UGT1A7: variants seen among roughly 807,000 people sequenced by gnomAD.
UGT1A7 encodes UDP-glucuronosyltransferase 1A7.
A neutral mutation model predicts 45.6 loss-of-function variants in UGT1A7; 33 were observed. The observed-to-expected ratio is 0.72, with a 90% CI of 0.55 to 0.97. The LOEUF is 0.97. Among genes scored for constraint, UGT1A7 ranks in the 50% least tolerant of loss-of-function variants. The pLI, the probability that UGT1A7 is intolerant of heterozygous loss-of-function variation, is 0.00. For missense variants in UGT1A7, 684 were observed against 666.2 expected (o/e 1.03, Z -0.29); for synonymous variants, 274 against 250.6 (o/e 1.09, Z -0.88).
chr2:233,733,436 G>T (rs2078397447), intron 1 of UGT1A7, among the ~76,000 whole-genome samples: 1 of 152,134 alleles, frequency 6.6e-6, no homozygotes, highest in African/African-American at 2.4e-5. Flanking sequence ...TATGATATTG[G>T]CTGCGGGTTT....
intron 1 of UGT1A7, among the ~76,000 whole-genome samples, chr2:233,717,379 C>T (rs2076569575): frequency 6.6e-6 from 1 of 152,218 alleles, no homozygotes; most frequent in Non-Finnish European, 1.5e-5. Flanking sequence ...CCTTACAGAC[C>T]TGCCCTCTCT....
In UGT1A7 at chr2:233,682,021, G is replaced by C; in HGVS notation, c.84G>C (p.Leu28=). Residue 28 remains leucine, a synonymous_variant, in exon 1 of 5, where the codon CTG becomes CTC. Coordinates refer to ENST00000373426, the MANE Select transcript of UGT1A7 (RefSeq NM_019077.3). ...GTGGCTTTGCCAAGGCAGGGAAGCT[G>C]CTGGTAGTGCCCATGGATGGGAGCC... ...LTCGFAKAGK[L]LVVPMDGSHW... 1.2e-6 allele frequency: 2 copies of C among 1,614,150 alleles called. No homozygotes were observed. Among genetic ancestry groups the C allele is most frequent in the Non-Finnish European group, 1.7e-6 (2 of 1,180,024 alleles).
intron 1 of UGT1A7, among the ~76,000 whole-genome samples, chr2:233,734,381 T>A (rs1311461253): frequency 1.3e-5 from 2 of 152,186 alleles, no homozygotes; most frequent in Non-Finnish European, 2.9e-5. Context: ...TTGCCTTTAC[T>A]ATTTTTTATT....
rs376887521 is a variant in UGT1A7 at position 233,757,535 on chromosome 2, A to AATATATATACATATACATATATATATAT, written c.856-9490_856-9489insCATATACATATATATATATATATATATA. ...CAAAGCCAAAATCTTGCCTGTAAGG[A>AATATATATACATATACATATATATATAT]ATATATATATATATATATATATATA... On this transcript the variant is annotated intron_variant, in intron 1 of 4. Transcript: ENST00000373426. 4.4e-3 allele frequency among the ~76,000 whole-genome samples: 377 copies of AATATATATACATATACATATATATATAT among 85,820 alleles called. 6 individuals carry two copies. The highest frequency in any genetic ancestry group is 5.9e-3 in the Middle Eastern group (1 of 170). The allele number at this position is 85,820 out of a possible 152,430, so 56.3% of individuals were successfully genotyped here. A position where few individuals can be genotyped will look rare whatever the true frequency, so the allele number is the denominator to read the frequency against.
At chr2:233,771,035 G>A (rs1472903021) in intron 4 of UGT1A7, 1 of 152,036 alleles carries the variant, frequency 6.6e-6, no homozygotes, top group South Asian at 2.1e-4. Context: ...TGGGGGGGAA[G>A]GTGCCACACA....
chr2:233,759,046 C>T (rs1422861422), intron 1 of UGT1A7, among the ~76,000 whole-genome samples: 1 of 152,150 alleles, frequency 6.6e-6, no homozygotes, highest in Non-Finnish European at 1.5e-5. Flanking sequence ...CTGTTGTGAA[C>T]AAAAGTTCTC....
chr2:233,751,669 T>C (rs923739098), intron 1 of UGT1A7, among the ~76,000 whole-genome samples: 3 of 152,228 alleles, frequency 2.0e-5, no homozygotes, highest in African/African-American at 7.2e-5. Flanking sequence ...GAGTGAGTTC[T>C]AATGAGAGCT....
intron 1 of UGT1A7, chr2:233,729,506 CT>C (rs2077870453): frequency 6.2e-7 from 1 of 1,614,044 alleles, no homozygotes; most frequent in African/African-American, 1.3e-5. Flanking sequence ...TATCATAGGT[CT>C]TGTGTGGAGC....
chr2:233,713,839 A>G (rs1333546186), intron 1 of UGT1A7: 2 of 1,613,942 alleles, frequency 1.2e-6, no homozygotes, highest in Non-Finnish European at 8.5e-7. Context: ...AACTGTGCCA[A>G]CGGGAAGCCA....
At chr2:233,741,729 C>T (rs1433169561) in intron 1 of UGT1A7, 1 of 151,846 alleles carries the variant, frequency 6.6e-6, no homozygotes, top group Admixed American at 6.5e-5. Context: ...CATATCCAAA[C>T]CCATATCACA....
At chr2:233,692,017 T>C (rs1291303297) in intron 1 of UGT1A7, 2 of 152,224 alleles carry the variant, frequency 1.3e-5, no homozygotes, top group Non-Finnish European at 2.9e-5. Flanking sequence ...TCTCTAAGGA[T>C]GAGGGCTAGT....
At chr2:233,758,822 C>G (rs1559405165) in intron 1 of UGT1A7, among the ~76,000 whole-genome samples, 1 of 152,138 alleles carries the variant, frequency 6.6e-6, no homozygotes, top group Admixed American at 6.5e-5. Context: ...AGTATATCCC[C>G]CCCAAAAAGA....
At chr2:233,695,283 T>A (rs546580338) in intron 1 of UGT1A7, among the ~76,000 whole-genome samples, 12 of 151,886 alleles carry the variant, frequency 7.9e-5, no homozygotes, top group Non-Finnish European at 8.8e-5. Flanking sequence ...GTGCCACCAT[T>A]CCCAGCTAAT....
chr2:233,718,919 G>A, intron 1 of UGT1A7: 1 of 1,614,102 alleles, frequency 6.2e-7, no homozygotes. Context: ...AGGTGTTGGT[G>A]GTGCCCACTG....
chr2:233,768,258 T>C lies in UGT1A7; in HGVS notation c.1114T>C (p.Ser372Pro). 1 of 1,614,230 alleles carries C rather than the reference T, an allele frequency of 6.2e-7. No homozygotes were observed. The highest frequency in any genetic ancestry group is 8.5e-7 in the Non-Finnish European group (1 of 1,180,044). Residue 372 changes from serine (S) to proline (P), a missense_variant, in exon 4 of 5, where the codon TCC becomes CCC. By Grantham distance (74) the Ser-to-Pro change is moderately conservative. Coordinates refer to ENST00000373426, the MANE Select transcript of UGT1A7 (RefSeq NM_019077.3). ...MTRAFITHAG[S>P]HGVYESICNG... Reference sequence around the variant, plus strand: ...CCGTGCCTTTATCACCCATGCTGGTTCCCATGGTGTTTATGAAAGCATATG... The same window carrying C: ...CCGTGCCTTTATCACCCATGCTGGTCCCCATGGTGTTTATGAAAGCATATG...
chr2:233,729,226 G>C (rs1226081470), intron 1 of UGT1A7: 2 of 1,614,168 alleles, frequency 1.2e-6, no homozygotes, highest in Admixed American at 3.3e-5. Flanking sequence ...GGTGTTGGTG[G>C]TGCCCATTGA....
rs377618743 is a variant in UGT1A7, at chr2:233,743,739, T to A, written c.856-23295T>A. 1.2e-4 allele frequency: 170 copies of A among 1,367,366 alleles called. 1 individual carries two copies. Among genetic ancestry groups the A allele is most frequent in the South Asian group, 2.3e-4 (20 of 88,056 alleles). 84.7% of individuals were successfully genotyped at this position (1,367,366 alleles called of 1,614,324 possible). ...TAGCGGTCATAGATATCGCGTTTCT[T>A]GGCGTCCGACAACACCTCGTAGGCC... On this transcript the variant is annotated intron_variant, in intron 1 of 4. Transcript: ENST00000373426.
At position 233,713,085 on chromosome 2, in the gene UGT1A7, C is replaced by T. The variant is rs148617766; in HGVS notation, c.855+30293C>T. On this transcript the variant is annotated intron_variant, in intron 1 of 4. Transcript: ENST00000373426. ...GCCCTGGGCTGAGAGTGGGAAGGTGCTGGTGGTGCCCACTGATGGCAGCCA... is the reference window on the plus strand; with the variant it reads ...GCCCTGGGCTGAGAGTGGGAAGGTGTTGGTGGTGCCCACTGATGGCAGCCA... 296 of 1,614,186 alleles carry T rather than the reference C, an allele frequency of 1.8e-4. No homozygotes were observed. In the African/African-American group the frequency reaches 3.6e-3, roughly 19 times the overall value.
At chr2:233,718,930 A>T in intron 1 of UGT1A7, 3 of 1,614,066 alleles carry the variant, frequency 1.9e-6, no homozygotes, top group African/African-American at 1.3e-5. Context: ...GTGCCCACTG[A>T]TGGCAGCCCC....
Sources: gnomAD v4.1 joint callset for allele counts (sites outside exome capture counted in the v4.1 genomes callset) on GRCh38, gnomAD v4.1.1 for gene constraint, MANE v1.5 for transcripts, NCBI Gene and HGNC (gene_info 2026-07-23, HGNC 2026-07-21) for gene names.